PLD5: variants seen among roughly 807,000 people sequenced by gnomAD.
The protein encoded by PLD5 is phospholipase D family member 5.
A neutral mutation model predicts 61.1 loss-of-function variants in PLD5; 36 were observed. The ratio of observed to expected loss-of-function variants is 0.59; its 90% CI spans 0.45 to 0.78. The LOEUF (loss-of-function observed/expected upper bound fraction) is 0.78. PLD5 is among the 30% of genes least tolerant of loss of function. PLD5 has a pLI of 0.00. For synonymous variants in PLD5, 243 were observed against 242.8 expected, an observed-to-expected ratio of 1.00 and a Z score of -0.01; for missense variants, 515 against 644.4, an observed-to-expected ratio of 0.80 and a Z score of 2.17.
intron 9 of PLD5, among the ~76,000 whole-genome samples, chr1:242,095,093 C>T (rs1055495727): frequency 3.3e-5 from 5 of 151,968 alleles, no homozygotes; most frequent in South Asian, 2.1e-4. Flanking sequence ...CCCGCCACCA[C>T]GCCTGGCTAA....
intron 1 of PLD5, among the ~76,000 whole-genome samples, chr1:242,397,927 G>C (rs1663693245): frequency 6.6e-6 from 1 of 151,940 alleles, no homozygotes; most frequent in Admixed American, 6.6e-5. Context: ...AATCACTCTA[G>C]AGGCTTGACA....
chr1:242,394,977 GAA>G lies in PLD5; in HGVS notation c.190-46737_190-46736del, dbSNP rs1491244241. On this transcript the variant is annotated intron_variant, in intron 1 of 9. Transcript: ENST00000536534. ...TATATGAATATATATGATTATATAT[GAA>G]TATATATGAATATATATGTATATAT... Among the ~76,000 whole-genome samples, 30 of 103,698 alleles carry G rather than the reference GAA, an allele frequency of 2.9e-4. 6 individuals are homozygous for G. The highest frequency in any genetic ancestry group is 5.0e-4 in the African/African-American group (13 of 25,862). 68.0% of individuals were successfully genotyped at this position (103,698 alleles called of 152,430 possible). A position where few individuals can be genotyped will look rare whatever the true frequency, so the allele number is the denominator to read the frequency against.
At chr1:242,340,919 GAACGTTTCCTGC>G (rs564524892) in intron 2 of PLD5, among the ~76,000 whole-genome samples, 25 of 151,960 alleles carry the variant, frequency 1.6e-4, no homozygotes, top group Non-Finnish European at 2.9e-4. Context: ...TGCAGCTTAA[GAACGTTTCCTGC>G]GGTATCATTG....
intron 1 of PLD5, among the ~76,000 whole-genome samples, chr1:242,400,033 T>G (rs897780695): frequency 6.6e-6 from 1 of 152,044 alleles, no homozygotes; most frequent in Non-Finnish European, 1.5e-5. Context: ...CCGGGCTTGG[T>G]GGCAGGCGCC....
In PLD5 at chr1:242,245,724, G is replaced by A. The variant is rs111968030; in HGVS notation, c.607+19613C>T. Among the ~76,000 whole-genome samples the A allele has an allele frequency of 5.4e-3, 828 of 152,252 alleles. 2 individuals carry two copies. Among genetic ancestry groups the A allele is most frequent in the Admixed American group, 0.011 (171 of 15,294 alleles). On this transcript the variant is annotated intron_variant, in intron 4 of 9. Coordinates refer to ENST00000536534, the MANE Select transcript of PLD5 (RefSeq NM_001372062.1). The stretch of plus-strand genomic sequence containing the variant: ...ATGAGGAAATTTCCCTGGGAGAATC[G>A]GGGGTGGGAATGGGAATTTGTTCTT...
chr1:242,097,468 T>A (rs918678560), intron 9 of PLD5, among the ~76,000 whole-genome samples: 39 of 152,316 alleles, frequency 2.6e-4, no homozygotes, highest in Admixed American at 1.2e-3. Context: ...GGTATCTCAT[T>A]GTGGTTTTGA....
chr1:242,144,738 G>A lies in PLD5; in HGVS notation c.736-20073C>T, dbSNP rs540202332. On this transcript the variant is annotated intron_variant, in intron 5 of 9. Coordinates refer to ENST00000536534, the MANE Select transcript of PLD5 (RefSeq NM_001372062.1). ...AGAGGTTGAAGTGAGCTGAGATTGCGCCACTGTACTCCAGCCTGGGTGACA... is the reference window on the plus strand; with the variant it reads ...AGAGGTTGAAGTGAGCTGAGATTGCACCACTGTACTCCAGCCTGGGTGACA... Among the ~76,000 whole-genome samples the A allele has an allele frequency of 2.6e-5, 4 of 152,202 alleles. No individual in the cohort carries two copies. The East Asian group carries it at 5.8e-4, about 22-fold the overall frequency.
Position 242,101,789 on chromosome 1 carries a change from T to C in PLD5, c.1240-1007A>G, listed in dbSNP as rs570240215. ...TGGACTTCCCCCTCCCCTAGCGTGG[T>C]AGAACGGTGATAAACTAGATGATCA... On this transcript the variant is annotated intron_variant, in intron 8 of 9. Coordinates refer to ENST00000536534, the MANE Select transcript of PLD5 (RefSeq NM_001372062.1). Among the ~76,000 whole-genome samples, 7 of 152,300 alleles carry C rather than the reference T, an allele frequency of 4.6e-5. No individual in the cohort carries two copies. In the East Asian group the frequency reaches 1.3e-3, roughly 29 times the overall value.
At position 242,191,245 on chromosome 1, in the gene PLD5, T is replaced by G. The variant is rs574641391; in HGVS notation, c.735+28743A>C. ...ACTACATTGTGTTATTTAGAAACTA[T>G]AGTTTTGAGAAAGTTAAGAGAGTTT... On this transcript the variant is annotated intron_variant, in intron 5 of 9. Coordinates refer to ENST00000536534, the MANE Select transcript of PLD5 (RefSeq NM_001372062.1). 1.2e-4 allele frequency among the ~76,000 whole-genome samples: 18 copies of G among 151,890 alleles called. No homozygotes were observed. In the East Asian group the frequency reaches 3.1e-3, roughly 26 times the overall value.
intron 1 of PLD5, among the ~76,000 whole-genome samples, chr1:242,396,021 C>T (rs1301017410): frequency 6.6e-6 from 1 of 152,018 alleles, no homozygotes; most frequent in Non-Finnish European, 1.5e-5. Flanking sequence ...GCACTCCAGC[C>T]TGGGTAATAA....
chr1:242,108,645 C>A (rs1661249404), intron 7 of PLD5, among the ~76,000 whole-genome samples: 1 of 152,202 alleles, frequency 6.6e-6, no homozygotes, highest in African/African-American at 2.4e-5. Flanking sequence ...GCTTTCCTGT[C>A]TTAAGGACCA....
intron 1 of PLD5, among the ~76,000 whole-genome samples, chr1:242,379,302 G>C (rs1662149131): frequency 6.6e-6 from 1 of 152,080 alleles, no homozygotes; most frequent in Non-Finnish European, 1.5e-5. Flanking sequence ...TCACATGCTA[G>C]AGCACACCAG....
chr1:242,171,915 A>G (rs6659385), intron 5 of PLD5, among the ~76,000 whole-genome samples: 11,974 of 152,248 alleles, frequency 0.079, 552 homozygotes, highest in Middle Eastern at 0.15. Context: ...AGAGACCTAC[A>G]AAGAGACAAA....
intron 1 of PLD5, among the ~76,000 whole-genome samples, chr1:242,467,728 C>T (rs891161121): frequency 2.0e-5 from 3 of 152,124 alleles, no homozygotes; most frequent in African/African-American, 4.8e-5. Context: ...ACCATGAGGG[C>T]CCACCAGGTG....
intron 1 of PLD5, among the ~76,000 whole-genome samples, chr1:242,378,404 T>A (rs775647182): frequency 3.3e-4 from 50 of 152,168 alleles, no homozygotes; most frequent in Non-Finnish European, 3.1e-4. Context: ...ATTTCAGGTC[T>A]GCAAGATGAA....
At chr1:242,108,323 T>A (rs1343401648) in intron 7 of PLD5, among the ~76,000 whole-genome samples, 1 of 152,208 alleles carries the variant, frequency 6.6e-6, no homozygotes, top group East Asian at 1.9e-4. Context: ...TGTCTTACCG[T>A]GGTGTCTCCT....
At chr1:242,111,402 G>T (rs555224274) in intron 7 of PLD5, among the ~76,000 whole-genome samples, 1 of 152,152 alleles carries the variant, frequency 6.6e-6, no homozygotes, top group African/African-American at 2.4e-5. Flanking sequence ...ACAGATCATT[G>T]TTCCATTCCC....
intron 2 of PLD5, among the ~76,000 whole-genome samples, chr1:242,319,971 T>C (rs1658277957): frequency 6.6e-6 from 1 of 152,222 alleles, no homozygotes. Context: ...CAATACCTGC[T>C]TTTTTCCCTT....
intron 1 of PLD5, among the ~76,000 whole-genome samples, chr1:242,409,514 C>T (rs900443472): frequency 6.6e-6 from 1 of 152,108 alleles, no homozygotes; most frequent in African/African-American, 2.4e-5. Context: ...ACTTTCAGAA[C>T]ACATGGCTAA....
Sources: gnomAD v4.1 joint callset for allele counts (sites outside exome capture counted in the v4.1 genomes callset) on GRCh38, gnomAD v4.1.1 for gene constraint, MANE v1.5 for transcripts, NCBI Gene and HGNC (gene_info 2026-07-23, HGNC 2026-07-21) for gene names.